SPATS2: variants seen among roughly 807,000 people sequenced by gnomAD.
SPATS2 encodes the protein spermatogenesis-associated serine-rich protein 2.
A neutral mutation model predicts 63.7 loss-of-function variants in SPATS2; 38 were observed. That is an observed-to-expected ratio of 0.60 (90% CI 0.46 to 0.78). SPATS2 has a LOEUF of 0.78. Among genes scored for constraint, SPATS2 ranks in the 30% least tolerant of loss-of-function variants. The pLI is 0.00. For synonymous variants in SPATS2, 207 were observed against 232.9 expected (o/e 0.89, Z 1.01); for missense variants, 588 against 666.2 (o/e 0.88, Z 1.29).
At position 49,448,712 on chromosome 12, in the gene SPATS2, CAA is replaced by C. The variant is rs780015868; in HGVS notation, c.-243-12037_-243-12036del. ...CCTGGGTGACAGTGAGACCCTGTCT[CAA>C]AAAAAAAAAAAAAAAAAAAAGCATG... On this transcript the variant is annotated intron_variant, in intron 2 of 13. Coordinates refer to ENST00000552918, the MANE Select transcript of SPATS2 (RefSeq NM_023071.4). Among the ~76,000 whole-genome samples the C allele has an allele frequency of 1.1e-3, 66 of 58,320 alleles. No individual in the cohort carries two copies. In the South Asian group the frequency reaches 0.027, roughly 24 times the overall value. The allele number at this position is 58,320 out of a possible 152,430, so 38.3% of individuals were successfully genotyped here.
intron 3 of SPATS2, among the ~76,000 whole-genome samples, chr12:49,468,233 C>T (rs1406846528): frequency 6.8e-6 from 1 of 146,634 alleles, no homozygotes; most frequent in East Asian, 2.0e-4. Context: ...GATCTTGGCT[C>T]ACTGCAACCT....
intron 2 of SPATS2, among the ~76,000 whole-genome samples, chr12:49,422,009 T>C (rs776862417): frequency 1.1e-4 from 16 of 152,316 alleles, no homozygotes; most frequent in Non-Finnish European, 1.8e-4. Flanking sequence ...CTTCCTAATG[T>C]TAAATGCTTT....
chr12:49,438,632 GTGTT>G (rs1364326463), intron 2 of SPATS2, among the ~76,000 whole-genome samples: 1 of 152,098 alleles, frequency 6.6e-6, no homozygotes, highest in Non-Finnish European at 1.5e-5. Flanking sequence ...TTTCCTGTGT[GTGTT>G]TAATTTTTAT....
chr12:49,437,712 G>A (rs964262011), intron 2 of SPATS2, among the ~76,000 whole-genome samples: 10 of 152,032 alleles, frequency 6.6e-5, no homozygotes, highest in Non-Finnish European at 1.3e-4. Context: ...GCCTGCAATC[G>A]CAGGCACTGG....
chr12:49,462,159 T>C, intron 3 of SPATS2: 1 of 601,524 alleles, frequency 1.7e-6, no homozygotes, highest in African/African-American at 1.9e-5. Context: ...CTTTATTTCA[T>C]GTCTGTGTTT....
At chr12:49,403,786 A>G (rs892426350) in intron 2 of SPATS2, among the ~76,000 whole-genome samples, 14 of 152,262 alleles carry the variant, frequency 9.2e-5, no homozygotes, top group African/African-American at 3.4e-4. Context: ...GCCTCAGCTC[A>G]AGGGTTGGAA....
chr12:49,381,241 CT>C (rs1391637506), intron 2 of SPATS2, among the ~76,000 whole-genome samples: 1 of 152,072 alleles, frequency 6.6e-6, no homozygotes, highest in Non-Finnish European at 1.5e-5. Context: ...ATTGGCTTGT[CT>C]TTTTGTTGAG....
chr12:49,514,352 CTATT>C (rs1465723980), intron 9 of SPATS2, 199 bp from the exon 10 acceptor site: 3 of 529,942 alleles, frequency 5.7e-6, no homozygotes, highest in African/African-American at 3.9e-5. Flanking sequence ...GGAATTGGGT[CTATT>C]TATTTTATTT....
intron 2 of SPATS2, among the ~76,000 whole-genome samples, chr12:49,390,957 A>T (rs1323993834): frequency 6.6e-6 from 1 of 152,210 alleles, no homozygotes; most frequent in African/African-American, 2.4e-5. Flanking sequence ...ATTTTTAAGG[A>T]TACTATGTAG....
intron 2 of SPATS2, among the ~76,000 whole-genome samples, chr12:49,432,482 T>C (rs572645716): frequency 6.6e-6 from 1 of 152,188 alleles, no homozygotes; most frequent in Non-Finnish European, 1.5e-5. Context: ...AAAATATATA[T>C]ACATATGTAA....
intron 9 of SPATS2, among the ~76,000 whole-genome samples, chr12:49,510,496 G>A (rs1399824783): frequency 1.3e-5 from 2 of 150,808 alleles, no homozygotes; most frequent in African/African-American, 2.4e-5. Context: ...CCCAGGAGGC[G>A]GAGGTTGGCA....
intron 9 of SPATS2, among the ~76,000 whole-genome samples, chr12:49,513,203 GAGAA>G (rs1033849304): frequency 5.4e-5 from 8 of 147,678 alleles, no homozygotes; most frequent in African/African-American, 7.8e-5. Flanking sequence ...TAGAGCGAGA[GAGAA>G]AGAGTGTGTG....
chr12:49,420,517 C>CT (rs1054650345), intron 2 of SPATS2, among the ~76,000 whole-genome samples: 4 of 152,268 alleles, frequency 2.6e-5, no homozygotes, highest in South Asian at 4.1e-4. Context: ...TCGCTTGAAC[C>CT]TGGGAGGTGG....
At chr12:49,501,373 C>T (rs1293541065) in intron 9 of SPATS2, among the ~76,000 whole-genome samples, 1 of 152,096 alleles carries the variant, frequency 6.6e-6, no homozygotes, top group African/African-American at 2.4e-5. Flanking sequence ...GAGGGCCAAA[C>T]TCAATTTTCT....
At chr12:49,494,195 G>T (rs907645542) in intron 6 of SPATS2, among the ~76,000 whole-genome samples, 16 of 152,060 alleles carry the variant, frequency 1.1e-4, no homozygotes, top group Non-Finnish European at 2.2e-4. Flanking sequence ...ACTCCCAGAA[G>T]TAATACATGA....
chr12:49,380,316 G>T (rs902615685), intron 2 of SPATS2, among the ~76,000 whole-genome samples: 3 of 151,896 alleles, frequency 2.0e-5, no homozygotes, highest in African/African-American at 7.3e-5. Context: ...AAACCACCAT[G>T]CCTGACCGAG....
intron 2 of SPATS2, among the ~76,000 whole-genome samples, chr12:49,447,325 G>A (rs1466101417): frequency 1.3e-5 from 2 of 151,966 alleles, no homozygotes; most frequent in African/African-American, 4.8e-5. Context: ...TGCAACCTCC[G>A]CCTCCTGGGT....
At chr12:49,493,397 CT>C (rs577929812) in intron 6 of SPATS2, among the ~76,000 whole-genome samples, 634 of 138,908 alleles carry the variant, frequency 4.6e-3, no homozygotes, top group East Asian at 5.9e-3. Flanking sequence ...ACTGAAACAT[CT>C]TTTTTTTTTT....
intron 2 of SPATS2, among the ~76,000 whole-genome samples, chr12:49,440,886 G>A (rs566594492): frequency 6.6e-6 from 1 of 152,230 alleles, no homozygotes; most frequent in African/African-American, 2.4e-5. Flanking sequence ...TAAATGATGT[G>A]TCTTTCTCAG....
Sources: allele counts gnomAD v4.1 joint callset (sites outside exome capture counted in the v4.1 genomes callset), GRCh38; gene constraint gnomAD v4.1.1; transcripts MANE v1.5; gene names NCBI Gene and HGNC (gene_info 2026-07-23, HGNC 2026-07-21).